The following CFTR variants were observed in gnomAD, a reference collection of about 807,000 sequenced individuals.
CFTR encodes cystic fibrosis transmembrane conductance regulator.
A neutral mutation model predicts 171.6 loss-of-function variants in CFTR; 181 were observed. The observed-to-expected ratio is 1.05, with a 90% CI of 0.93 to 1.19. CFTR has a LOEUF of 1.19. Ranked by LOEUF, CFTR falls within the 50% of genes most tolerant of loss-of-function variation. The pLI, the probability that CFTR is intolerant of heterozygous loss-of-function variation, is 0.00. For missense variants in CFTR, 1,968 were observed against 1,734.7 expected (o/e 1.13, Z -2.39); for synonymous variants, 583 against 608.0 (o/e 0.96, Z 0.60).
At chr7:117,576,464 T>C (rs1260113050) in intron 11 of CFTR, among the ~76,000 whole-genome samples, 1 of 152,090 alleles carries the variant, frequency 6.6e-6, no homozygotes. Context: ...ACCCCATTTA[T>C]ATAAGGGTCT....
Position 117,535,385 on chromosome 7 carries a change from G to T in CFTR, c.717G>T (p.Gly239=), listed in dbSNP as rs764661797. The T allele has an allele frequency of 1.2e-6, 2 of 1,614,096 alleles. No individual in the cohort carries two copies. The highest frequency in any genetic ancestry group is 3.3e-4 in the Middle Eastern group (2 of 6,060). ...FLIVLALFQA[G]LGRMMMKYRD... Reference sequence around the variant, plus strand: ...TAGTCCTTGCCCTTTTTCAGGCTGGGCTAGGGAGAATGATGATGAAGTACA... The same window carrying T: ...TAGTCCTTGCCCTTTTTCAGGCTGGTCTAGGGAGAATGATGATGAAGTACA... The change falls in exon 6 of 27, where the codon GGG becomes GGT. Residue 239 remains glycine (G), a synonymous_variant. Coordinates refer to ENST00000003084, the MANE Select transcript of CFTR (RefSeq NM_000492.4).
At chr7:117,598,491 CATCACTCCACCATGGTCCAGTAACATCTG>C (rs1215247983) in intron 15 of CFTR, among the ~76,000 whole-genome samples, 8 of 152,196 alleles carry the variant, frequency 5.3e-5, no homozygotes, top group East Asian at 1.9e-4. Context: ...TGTAAAGTGT[CATCACTCCACCATGGTCCAGTAACATCTG>C]ATCACTCCAC....
chr7:117,495,702 G>C (rs1265493378), intron 1 of CFTR, among the ~76,000 whole-genome samples: 1 of 152,106 alleles, frequency 6.6e-6, no homozygotes, highest in East Asian at 1.9e-4. Flanking sequence ...ACTTGCTGTA[G>C]CCACCCAGCC....
At chr7:117,615,758 C>T (rs1438556550) in intron 21 of CFTR, among the ~76,000 whole-genome samples, 1 of 151,822 alleles carries the variant, frequency 6.6e-6, no homozygotes, top group Non-Finnish European at 1.5e-5. Flanking sequence ...GGAAATGATG[C>T]ACATTTACTC....
intron 3 of CFTR, among the ~76,000 whole-genome samples, chr7:117,516,096 A>C (rs1798592418): frequency 6.6e-6 from 1 of 152,196 alleles, no homozygotes; most frequent in South Asian, 2.1e-4. Context: ...TAGTTCTTTC[A>C]TTCCTTTGTA....
intron 22 of CFTR, among the ~76,000 whole-genome samples, chr7:117,642,214 C>T (rs1194463129): frequency 2.0e-5 from 3 of 152,202 alleles, no homozygotes; most frequent in East Asian, 1.9e-4. Flanking sequence ...GGTCCAATTC[C>T]TTATGGCCAG....
intron 18 of CFTR, among the ~76,000 whole-genome samples, chr7:117,609,303 G>A (rs1792346415): frequency 6.6e-6 from 1 of 152,094 alleles, no homozygotes; most frequent in Admixed American, 6.6e-5. Context: ...TCTCAGATTT[G>A]TCACTTGTAG....
At chr7:117,659,012 G>T (rs566272719) in intron 24 of CFTR, among the ~76,000 whole-genome samples, 14 of 152,008 alleles carry the variant, frequency 9.2e-5, no homozygotes, top group Non-Finnish European at 1.3e-4. Context: ...TCTTTGTTTG[G>T]CTTTCTACAC....
chr7:117,480,222 T>G, intron 1 of CFTR, 75 bp downstream of exon 1: 2 of 1,381,632 alleles, frequency 1.4e-6, no homozygotes, highest in Non-Finnish European at 2.1e-6. Flanking sequence ...GGGTTGGGTT[T>G]GGGGTAAAGG....
intron 24 of CFTR, among the ~76,000 whole-genome samples, chr7:117,662,706 A>G (rs1373119653): frequency 6.6e-6 from 1 of 152,160 alleles, no homozygotes; most frequent in Admixed American, 6.5e-5. Flanking sequence ...TGACTAATTG[A>G]GATTTGTAGG....
intron 24 of CFTR, among the ~76,000 whole-genome samples, chr7:117,655,667 T>C (rs184587188): frequency 5.2e-4 from 79 of 152,304 alleles, no homozygotes; most frequent in African/African-American, 1.7e-3. Flanking sequence ...TGCTTCCACA[T>C]TGAGTATTTG....
At chr7:117,567,848 T>C (rs941034528) in intron 11 of CFTR, among the ~76,000 whole-genome samples, 10 of 152,148 alleles carry the variant, frequency 6.6e-5, no homozygotes, top group Non-Finnish European at 1.3e-4. Context: ...TTTGGTAAGT[T>C]AGATGATATT....
At chr7:117,495,403 G>A (rs1798221773) in intron 1 of CFTR, among the ~76,000 whole-genome samples, 1 of 152,106 alleles carries the variant, frequency 6.6e-6, no homozygotes, top group East Asian at 1.9e-4. Context: ...GATTTTTTTT[G>A]TAGCATTACT....
chr7:117,551,283 G>C (rs899315702), intron 10 of CFTR, among the ~76,000 whole-genome samples: 1 of 152,154 alleles, frequency 6.6e-6, no homozygotes, highest in African/African-American at 2.4e-5. Flanking sequence ...GGATGTATAT[G>C]ATATACTCTT....
chr7:117,493,832 G>T (rs6971294), intron 1 of CFTR, among the ~76,000 whole-genome samples: 2,239 of 152,102 alleles, frequency 0.015, 57 homozygotes, highest in African/African-American at 0.051. Context: ...TGTTTAGTTT[G>T]AAAGTGGGAA....
chr7:117,588,170 C>A (rs555899666), intron 12 of CFTR, among the ~76,000 whole-genome samples: 131 of 152,086 alleles, frequency 8.6e-4, no homozygotes, highest in African/African-American at 3.0e-3. Flanking sequence ...CCATCATAGA[C>A]CCTGCCACTC....
chr7:117,620,143 T>A (rs1489836299), intron 21 of CFTR, among the ~76,000 whole-genome samples: 7 of 152,150 alleles, frequency 4.6e-5, no homozygotes, highest in Non-Finnish European at 8.8e-5. Flanking sequence ...TTTTCACAAA[T>A]TTTTGTGGTA....
intron 25 of CFTR, 49 bp downstream of exon 25, chr7:117,664,909 A>C (rs1246076951): frequency 6.4e-7 from 1 of 1,571,010 alleles, no homozygotes; most frequent in East Asian, 2.2e-5. Flanking sequence ...GAACAGAATC[A>C]TTATGCCTGC....
intron 14 of CFTR, among the ~76,000 whole-genome samples, chr7:117,593,460 C>CAT (rs1242032266): frequency 6.6e-6 from 1 of 152,116 alleles, no homozygotes; most frequent in African/African-American, 2.4e-5. Context: ...AAGCCATTAA[C>CAT]ATCTGTAGGC....
Sources: gnomAD v4.1 joint callset for allele counts (sites outside exome capture counted in the v4.1 genomes callset) on GRCh38, gnomAD v4.1.1 for gene constraint, MANE v1.5 for transcripts, NCBI Gene and HGNC (gene_info 2026-07-23, HGNC 2026-07-21) for gene names.